The following AGO3 variants were observed in gnomAD, a reference collection of about 807,000 sequenced individuals.
The protein encoded by AGO3 is argonaute RISC catalytic component 3.
Under a neutral mutation model 105.5 loss-of-function variants are expected in AGO3, and 16 were observed. The observed-to-expected ratio is 0.15, with a 90% CI of 0.10 to 0.23. The LOEUF (loss-of-function observed/expected upper bound fraction) is 0.23, where lower values mean the gene tolerates loss of function less well. Ranked by LOEUF, AGO3 falls within the 10% of genes least tolerant of loss-of-function variation. The probability of loss-of-function intolerance (pLI) is 1.00; values close to 1 mark genes in which losing one functional copy is unlikely to be tolerated. For synonymous variants in AGO3, 340 were observed against 367.3 expected (o/e 0.93, Z 0.85); for missense variants, 534 against 1,088.0 (o/e 0.49, Z 7.16).
chr1:36,034,448 T>A (rs1641916885), intron 13 of AGO3, 115 bp downstream of exon 13: 2 of 669,664 alleles, frequency 3.0e-6, no homozygotes, highest in South Asian at 1.4e-4. Flanking sequence ...TAATTCCTAC[T>A]ATGGGAGATT....
At position 35,933,634 on chromosome 1, in the gene AGO3, C is replaced by T. The variant is rs576216910; in HGVS notation, c.19+2189C>T. On this transcript the variant is annotated intron_variant, in intron 1 of 18. Coordinates refer to ENST00000373191, the MANE Select transcript of AGO3 (RefSeq NM_024852.4). ...CCAGCCTGGGTGACGGAGCAAGACC[C>T]TGTCTCAAAAAAAAAAAAAAAAAAA... Among the ~76,000 whole-genome samples the T allele has an allele frequency of 2.6e-3, 282 of 110,336 alleles. 4 individuals carry two copies. Among genetic ancestry groups the T allele is most frequent in the African/African-American group, 0.01 (268 of 26,412 alleles). The allele number at this position is 110,336 out of a possible 152,430, so 72.4% of individuals were successfully genotyped here.
In AGO3 at chr1:36,008,150, T is replaced by G. The variant is rs1490138963; in HGVS notation, c.794-540T>G. Among the ~76,000 whole-genome samples, 1 of 152,242 alleles carries G rather than the reference T, an allele frequency of 6.6e-6. No individual in the cohort carries two copies. On this transcript the variant is annotated intron_variant, in intron 6 of 18. Coordinates refer to ENST00000373191, the MANE Select transcript of AGO3 (RefSeq NM_024852.4). This position sits in a 1 kb window ranked among gnomAD's most constrained non-coding sequence, Gnocchi z 5.1. ...GAGCTGTGTCACTATATTATACCTC[T>G]ATAAAAGTGTCACTTTGCTTCTGTT... is the stretch of plus-strand genomic sequence containing the variant.
intron 5 of AGO3, among the ~76,000 whole-genome samples, chr1:35,991,601 TTAAAA>T (rs1309485450): frequency 3.3e-5 from 5 of 150,270 alleles, no homozygotes; most frequent in African/African-American, 7.3e-5. Context: ...ATCAACAAAC[TTAAAA>T]TGATAGTTTA....
chr1:35,957,461 C>T (rs1434297982), intron 2 of AGO3, among the ~76,000 whole-genome samples: 3 of 152,122 alleles, frequency 2.0e-5, no homozygotes, highest in Non-Finnish European at 4.4e-5. Flanking sequence ...CTCAGTGGCT[C>T]ATGCCTGTAA....
chr1:36,036,076 C>A, intron 13 of AGO3, 101 bp from the exon 14 acceptor site: 1 of 1,043,918 alleles, frequency 9.6e-7, no homozygotes. Flanking sequence ...AGGACTTCCT[C>A]TGTGCTGTCA....
At chr1:36,030,710 G>A (rs1416227009) in intron 12 of AGO3, among the ~76,000 whole-genome samples, 2 of 152,052 alleles carry the variant, frequency 1.3e-5, no homozygotes, top group African/African-American at 2.4e-5. Flanking sequence ...CGAACTCCTG[G>A]CCTCAAGTCA....
chr1:35,959,037 C>A (rs1455622972), intron 2 of AGO3, among the ~76,000 whole-genome samples: 4 of 152,052 alleles, frequency 2.6e-5, no homozygotes, highest in Non-Finnish European at 5.9e-5. Flanking sequence ...TTAAGAGGTA[C>A]CTAATAAAGT....
At chr1:36,049,334 A>G (rs1642604584) in intron 17 of AGO3, among the ~76,000 whole-genome samples, 3 of 152,140 alleles carry the variant, frequency 2.0e-5, no homozygotes, top group Non-Finnish European at 2.9e-5. Flanking sequence ...CTTGGCCAAC[A>G]TGGTGAAACC....
At chr1:35,985,389 TAAAG>T (rs1647149536) in intron 5 of AGO3, among the ~76,000 whole-genome samples, 1 of 152,188 alleles carries the variant, frequency 6.6e-6, no homozygotes, top group Non-Finnish European at 1.5e-5. Context: ...AATAGAATTT[TAAAG>T]AAAAATAAAG....
chr1:35,942,189 A>G (rs144271782), intron 1 of AGO3, among the ~76,000 whole-genome samples: 28 of 152,132 alleles, frequency 1.8e-4, no homozygotes, highest in South Asian at 4.1e-4. Context: ...TTCAGGCAGC[A>G]TTTTAGTCTC....
intron 14 of AGO3, among the ~76,000 whole-genome samples, chr1:36,036,875 T>C (rs907527364): frequency 1.3e-5 from 2 of 152,044 alleles, no homozygotes; most frequent in African/African-American, 4.8e-5. Context: ...TTTGTACTTT[T>C]AGTAGAGACG....
At chr1:35,982,761 T>TG in intron 5 of AGO3, 1 of 629,278 alleles carries the variant, frequency 1.6e-6, no homozygotes, top group East Asian at 2.9e-5. Context: ...AGGATTAAGC[T>TG]GAAAAAATAG....
At chr1:35,995,045 A>G (rs1186113291) in intron 5 of AGO3, among the ~76,000 whole-genome samples, 1 of 151,252 alleles carries the variant, frequency 6.6e-6, no homozygotes, top group East Asian at 1.9e-4. Context: ...CTAAAATACA[A>G]AAAAAATTAG....
At chr1:36,024,042 A>T (rs1409399125) in intron 11 of AGO3, among the ~76,000 whole-genome samples, 1 of 152,110 alleles carries the variant, frequency 6.6e-6, no homozygotes, top group Non-Finnish European at 1.5e-5. Flanking sequence ...GTGCTCTGCT[A>T]AAACTGGTTC....
chr1:36,033,122 G>A (rs116584677), intron 12 of AGO3, among the ~76,000 whole-genome samples: 1,702 of 151,510 alleles, frequency 0.011, 42 homozygotes, highest in African/African-American at 0.037. Flanking sequence ...CAACAAGAGC[G>A]AAACTCTTAT....
rs575467258 is a variant in AGO3, at chr1:36,066,039, CAA to C, written c.*10308_*10309del. 7 of 105,882 alleles carry C rather than the reference CAA, an allele frequency of 6.6e-5. No individual in the cohort carries two copies. The highest frequency in any genetic ancestry group is 2.9e-4 in the South Asian group (1 of 3,400). 6.6% of individuals were successfully genotyped at this position (105,882 alleles called of 1,614,324 possible). ...TGGGCAACAGAGTGAGACTCTGTCT[CAA>C]AAAAAAAAAAAAATCGTTGTGCAGT... is the stretch of plus-strand genomic sequence containing the variant. On this transcript the variant is annotated 3_prime_UTR_variant, in exon 19 of 19. Transcript: ENST00000373191.
intron 11 of AGO3, among the ~76,000 whole-genome samples, chr1:36,026,508 C>T (rs1557696089): frequency 6.6e-6 from 1 of 152,222 alleles, no homozygotes; most frequent in Non-Finnish European, 1.5e-5. Context: ...TATAGAAATT[C>T]TGGCTCTACC....
At position 36,037,403 on chromosome 1, in the gene AGO3, T is replaced by A. The variant is rs575903210; in HGVS notation, c.1842+1136T>A. ...TGTCGTGGTGGTGGGTGCCTTTAAT[T>A]CCAGCTATTCGGGAGGCTGAGGCAA... On this transcript the variant is annotated intron_variant, in intron 14 of 18. Transcript: ENST00000373191. Among the ~76,000 whole-genome samples the A allele has an allele frequency of 6.9e-4, 105 of 151,972 alleles. 1 individual carries two copies. Among genetic ancestry groups the A allele is most frequent in the East Asian group, 3.9e-4 (2 of 5,166 alleles).
At chr1:36,053,468 A>G (rs1053420682) in intron 17 of AGO3, among the ~76,000 whole-genome samples, 1 of 151,916 alleles carries the variant, frequency 6.6e-6, no homozygotes, top group African/African-American at 2.4e-5. Flanking sequence ...TGTAGTAGAG[A>G]GGGGGTTTTG....
Sources: allele counts gnomAD v4.1 joint callset (sites outside exome capture counted in the v4.1 genomes callset), GRCh38; gene constraint gnomAD v4.1.1; non-coding constraint Gnocchi (gnomAD v3.1); transcripts MANE v1.5; gene names NCBI Gene and HGNC (gene_info 2026-07-23, HGNC 2026-07-21).